NDUFB6: variants seen among roughly 807,000 people sequenced by gnomAD.
The protein encoded by NDUFB6 is NADH dehydrogenase [ubiquinone] 1 beta subcomplex subunit 6.
Under a neutral mutation model 17.5 loss-of-function variants are expected in NDUFB6, and 23 were observed. The observed-to-expected ratio is 1.31, with a 90% CI of 0.94 to 1.86. The LOEUF (loss-of-function observed/expected upper bound fraction) is 1.86. Among genes scored for constraint, NDUFB6 ranks in the 40% most tolerant of loss-of-function variants. The pLI is 0.00. For synonymous variants in NDUFB6, 60 were observed against 53.5 expected (o/e 1.12, Z -0.53); for missense variants, 167 against 153.8 (o/e 1.09, Z -0.46).
At chr9:32,567,697 C>A (rs1436323540) in intron 2 of NDUFB6, 2 of 341,352 alleles carry the variant, frequency 5.9e-6, no homozygotes, top group Non-Finnish European at 1.2e-5. Flanking sequence ...GATGTTACTA[C>A]TACAAATTTT....
intron 1 of NDUFB6, among the ~76,000 whole-genome samples, chr9:32,572,591 AT>A (rs1821966971): frequency 6.6e-6 from 1 of 152,226 alleles, no homozygotes; most frequent in African/African-American, 2.4e-5. Context: ...CTGAGGGAAG[AT>A]TTCTACAGTC....
chr9:32,573,052 C>A lies in NDUFB6; in HGVS notation c.9G>T (p.Gly3=). 1.3e-6 allele frequency: 2 copies of A among 1,569,390 alleles called. No homozygotes were observed. Among genetic ancestry groups the A allele is most frequent in the South Asian group, 2.3e-5 (2 of 87,370 alleles). MT[G]YTPDEKLRLQ... is the part of the protein sequence containing the mutation. Reference sequence around the variant, plus strand: ...GCCGCAGTTTCTCATCCGGAGTGTACCCCGTCATGTCGCCGCTGGTACCAA... The same window carrying A: ...GCCGCAGTTTCTCATCCGGAGTGTAACCCGTCATGTCGCCGCTGGTACCAA... Residue 3 remains glycine, a synonymous_variant, in exon 1 of 4, where the codon GGG becomes GGT. Coordinates refer to ENST00000379847, the MANE Select transcript of NDUFB6 (RefSeq NM_002493.5).
At chr9:32,569,410 G>C (rs949717528) in intron 2 of NDUFB6, among the ~76,000 whole-genome samples, 2 of 151,822 alleles carry the variant, frequency 1.3e-5, no homozygotes, top group African/African-American at 4.8e-5. Flanking sequence ...AGTAGAGGTG[G>C]GGTTTCACCA....
At chr9:32,563,448 C>G (rs926362354) in intron 2 of NDUFB6, among the ~76,000 whole-genome samples, 2 of 146,446 alleles carry the variant, frequency 1.4e-5, no homozygotes, top group African/African-American at 5.1e-5. Flanking sequence ...TGGGCTCAAG[C>G]GATCCTCCTG....
At chr9:32,561,283 T>G (rs576074895) in intron 2 of NDUFB6, among the ~76,000 whole-genome samples, 2 of 151,902 alleles carry the variant, frequency 1.3e-5, no homozygotes, top group South Asian at 4.2e-4. Flanking sequence ...CTTGGACATC[T>G]CCAAAACTGC....
At chr9:32,570,928 T>G (rs190741792) in intron 2 of NDUFB6, 32 bp downstream of exon 2, 1 of 1,455,114 alleles carries the variant, frequency 6.9e-7, no homozygotes, top group Non-Finnish European at 9.5e-7. Flanking sequence ...TTGGACAATA[T>G]TAAAAATGAA....
intron 3 of NDUFB6, among the ~76,000 whole-genome samples, chr9:32,556,921 G>A (rs1284061817): frequency 8.0e-6 from 1 of 124,316 alleles, no homozygotes; most frequent in East Asian, 2.3e-4. Context: ...GCGCAATCTT[G>A]GCTCACTGCA....
chr9:32,558,117 AT>A (rs74178816), intron 3 of NDUFB6, among the ~76,000 whole-genome samples: 38 of 135,142 alleles, frequency 2.8e-4, no homozygotes, highest in Non-Finnish European at 3.0e-4. Context: ...CATAGTATAC[AT>A]TTTTTTTTTT....
chr9:32,554,905 A>C (rs1300447235), intron 3 of NDUFB6, among the ~76,000 whole-genome samples: 1 of 152,192 alleles, frequency 6.6e-6, no homozygotes, highest in Non-Finnish European at 1.5e-5. Context: ...AATGAACTTG[A>C]GGTTCTAGAA....
chr9:32,569,988 G>A (rs1821903607), intron 2 of NDUFB6, among the ~76,000 whole-genome samples: 1 of 152,112 alleles, frequency 6.6e-6, no homozygotes, highest in South Asian at 2.1e-4. Context: ...GAACTGCATT[G>A]TTCTACAACC....
chr9:32,560,262 A>G (rs1260207450), intron 2 of NDUFB6, among the ~76,000 whole-genome samples: 2 of 152,222 alleles, frequency 1.3e-5, no homozygotes, highest in Admixed American at 6.5e-5. Flanking sequence ...GTTTAACTAA[A>G]TATGTCCATC....
intron 1 of NDUFB6, among the ~76,000 whole-genome samples, 167 bp downstream of exon 1, chr9:32,572,714 G>A (rs192011879): frequency 2.0e-4 from 30 of 152,176 alleles, no homozygotes; most frequent in Admixed American, 1.9e-3. Context: ...ACATATTCCT[G>A]GACTCCTGCC....
intron 2 of NDUFB6, chr9:32,566,764 C>T (rs988802951): frequency 2.2e-6 from 2 of 902,354 alleles, no homozygotes; most frequent in South Asian, 1.3e-5. Flanking sequence ...GCCCGGGTGT[C>T]GGCTGCGACG....
At chr9:32,557,445 A>C (rs1821496663) in intron 3 of NDUFB6, among the ~76,000 whole-genome samples, 1 of 150,380 alleles carries the variant, frequency 6.6e-6, no homozygotes, top group African/African-American at 2.5e-5. Context: ...CTGTAATTAC[A>C]GGCATGAGCC....
chr9:32,573,151 T>C lies in NDUFB6; in HGVS notation c.-91A>G, dbSNP rs1265735958. On this transcript the variant is annotated 5_prime_UTR_variant, in exon 1 of 4. Transcript: ENST00000379847. ...GCGCTCCCGCTCTGCAAAGCGACCT[T>C]GCGGGAACGCCGAGCGCCGCGCGCG... 1.5e-6 allele frequency: 2 copies of C among 1,352,738 alleles called. No individual in the cohort carries two copies. Among genetic ancestry groups the C allele is most frequent in the East Asian group, 2.7e-5 (1 of 37,310 alleles). The allele number at this position is 1,352,738 out of a possible 1,614,324, so 83.8% of individuals were successfully genotyped here.
intron 3 of NDUFB6, among the ~76,000 whole-genome samples, chr9:32,558,010 A>G (rs1821517539): frequency 6.6e-6 from 1 of 152,220 alleles, no homozygotes; most frequent in Admixed American, 6.5e-5. Flanking sequence ...ATGCTAAACA[A>G]TAACCTCACA....
chr9:32,566,561 C>T, intron 2 of NDUFB6: 1 of 780,104 alleles, frequency 1.3e-6, no homozygotes, highest in Non-Finnish European at 2.4e-6. Context: ...CGTCGTACTG[C>T]ACAGACTGGA....
intron 2 of NDUFB6, chr9:32,566,555 G>C: frequency 1.3e-6 from 1 of 776,772 alleles, no homozygotes; most frequent in Non-Finnish European, 2.4e-6. Context: ...AGCTGCCGTC[G>C]TACTGCACAG....
At chr9:32,559,784 C>T (rs1030986485) in intron 2 of NDUFB6, among the ~76,000 whole-genome samples, 3 of 152,018 alleles carry the variant, frequency 2.0e-5, no homozygotes, top group Non-Finnish European at 4.4e-5. Context: ...CATTAATATA[C>T]CTCTTTGTTT....
Sources: allele counts gnomAD v4.1 joint callset (sites outside exome capture counted in the v4.1 genomes callset), GRCh38; gene constraint gnomAD v4.1.1; transcripts MANE v1.5; gene names NCBI Gene and HGNC (gene_info 2026-07-23, HGNC 2026-07-21).